PHACTR1: variants seen among roughly 807,000 people sequenced by gnomAD.
PHACTR1 encodes the protein RPEL repeat containing 1.
Under a neutral mutation model 69.2 loss-of-function variants are expected in PHACTR1, and 16 were observed. The observed-to-expected ratio is 0.23, with a 90% CI of 0.16 to 0.35. PHACTR1 has a LOEUF of 0.35. PHACTR1 is among the 10% of genes least tolerant of loss of function. PHACTR1 has a pLI of 1.00. For synonymous variants in PHACTR1, 312 were observed against 284.5 expected (o/e 1.10, Z -0.97); for missense variants, 510 against 734.7 (o/e 0.69, Z 3.54).
At position 13,211,243 on chromosome 6, in the gene PHACTR1, G is replaced by A. The variant is rs150889070; in HGVS notation, c.986+5107G>A. On this transcript the variant is annotated intron_variant, in intron 8 of 14. Coordinates refer to ENST00000332995, the MANE Select transcript of PHACTR1 (RefSeq NM_030948.6). ...ACCCGAGCAGTGTACACTGTACCCA[G>A]TGTGTAGTCTTTTATCCCTCACCAG... Among the ~76,000 whole-genome samples, 496 of 152,226 alleles carry A rather than the reference G, an allele frequency of 3.3e-3. 3 individuals are homozygous for A. The highest frequency in any genetic ancestry group is 0.011 in the African/African-American group (468 of 41,548).
intron 7 of PHACTR1, among the ~76,000 whole-genome samples, chr6:13,188,102 C>T (rs1256528315): frequency 1.3e-5 from 2 of 152,242 alleles, no homozygotes; most frequent in Non-Finnish European, 2.9e-5. Flanking sequence ...TATCTATATG[C>T]CTCACCTCTA....
intron 5 of PHACTR1, among the ~76,000 whole-genome samples, chr6:13,132,821 C>T (rs2127971762): frequency 6.6e-6 from 1 of 151,742 alleles, no homozygotes; most frequent in South Asian, 2.1e-4. Flanking sequence ...TTGATGATTA[C>T]TGACTGATCA....
At chr6:12,741,052 AT>A (rs1188317514) in intron 3 of PHACTR1, among the ~76,000 whole-genome samples, 1 of 151,288 alleles carries the variant, frequency 6.6e-6, no homozygotes, top group Non-Finnish European at 1.5e-5. Context: ...CTTTAGATTT[AT>A]TTTTTCTTCT....
chr6:12,893,828 T>C (rs990709520), intron 4 of PHACTR1, among the ~76,000 whole-genome samples: 1 of 152,216 alleles, frequency 6.6e-6, no homozygotes, highest in Non-Finnish European at 1.5e-5. Flanking sequence ...AAGTGTCACA[T>C]GGGCTTCCAT....
chr6:12,768,957 A>C (rs1163227543), intron 4 of PHACTR1, among the ~76,000 whole-genome samples: 2 of 152,154 alleles, frequency 1.3e-5, no homozygotes, highest in African/African-American at 4.8e-5. Context: ...GAAATAAACC[A>C]GGCACAGAAG....
At chr6:13,227,028 G>A (rs933303204) in intron 8 of PHACTR1, among the ~76,000 whole-genome samples, 3 of 151,632 alleles carry the variant, frequency 2.0e-5, no homozygotes, top group Admixed American at 6.6e-5. Context: ...GAGCCACCAC[G>A]CCCAGCAGTA....
chr6:12,838,941 C>A (rs1277236397), intron 4 of PHACTR1, among the ~76,000 whole-genome samples: 2 of 152,272 alleles, frequency 1.3e-5, no homozygotes, highest in South Asian at 2.1e-4. Flanking sequence ...GTTGCTGCTG[C>A]TGATGCTGCT....
intron 12 of PHACTR1, 22 bp downstream of exon 12, chr6:13,278,351 G>C: frequency 6.3e-7 from 1 of 1,577,942 alleles, no homozygotes; most frequent in Non-Finnish European, 8.6e-7. Context: ...TCCATGCCAA[G>C]AGCTGGGACA....
intron 5 of PHACTR1, among the ~76,000 whole-genome samples, chr6:13,136,576 A>G (rs1299941323): frequency 1.3e-5 from 2 of 152,262 alleles, no homozygotes; most frequent in East Asian, 1.9e-4. Flanking sequence ...CAGTTAGCCA[A>G]CTGGCGAAAG....
Position 13,230,202 on chromosome 6 carries a change from G to C in PHACTR1, c.1391+9G>C, listed in dbSNP as rs1489751130. 1.9e-6 allele frequency: 3 copies of C among 1,604,952 alleles called. No homozygotes were observed. The African/African-American group carries it at 4.0e-5, about 21-fold the overall frequency. On this transcript the variant is annotated intron_variant, in intron 10 of 14. Coordinates refer to ENST00000332995, the MANE Select transcript of PHACTR1 (RefSeq NM_030948.6). Reference sequence around the variant, plus strand: ...GGCACCAAGCTCACCAGGTAGGACAGCGGCACCCTCTGCCTCCCTGGCAGT... The same window carrying C: ...GGCACCAAGCTCACCAGGTAGGACACCGGCACCCTCTGCCTCCCTGGCAGT...
intron 5 of PHACTR1, among the ~76,000 whole-genome samples, chr6:13,056,384 G>A (rs1806784683): frequency 6.6e-6 from 1 of 152,180 alleles, no homozygotes; most frequent in Non-Finnish European, 1.5e-5. Context: ...TGGGTGACCA[G>A]CTGAGACCCA....
chr6:12,873,875 T>C (rs145884831), intron 4 of PHACTR1, among the ~76,000 whole-genome samples: 77 of 152,348 alleles, frequency 5.1e-4, no homozygotes, highest in African/African-American at 1.8e-3. Flanking sequence ...TTGGTTTTTG[T>C]AAATAACACT....
At chr6:13,240,973 A>T (rs1300266472) in intron 10 of PHACTR1, among the ~76,000 whole-genome samples, 9 of 152,220 alleles carry the variant, frequency 5.9e-5, no homozygotes, top group Admixed American at 5.9e-4. Flanking sequence ...CTCAGAGATG[A>T]TAAAGGGCAA....
chr6:12,898,521 C>T (rs1052463039), intron 4 of PHACTR1, among the ~76,000 whole-genome samples: 2 of 152,234 alleles, frequency 1.3e-5, no homozygotes, highest in African/African-American at 4.8e-5. Flanking sequence ...TCCTTCATGA[C>T]CAAATGGCCA....
At position 13,188,634 on chromosome 6, in the gene PHACTR1, G is replaced by A. The variant is rs191789061; in HGVS notation, c.664+5948G>A. On this transcript the variant is annotated intron_variant, in intron 7 of 14. Transcript: ENST00000332995. Reference sequence around the variant, plus strand: ...CATGCAGAAATACCTCTACCGTGGCGTTTGCTTCCACTTTATCAGGAAAAT... The same window carrying A: ...CATGCAGAAATACCTCTACCGTGGCATTTGCTTCCACTTTATCAGGAAAAT... 2.4e-3 allele frequency among the ~76,000 whole-genome samples: 369 copies of A among 152,310 alleles called. 1 individual carries two copies. Among genetic ancestry groups the A allele is most frequent in the South Asian group, 9.9e-3 (48 of 4,828 alleles).
intron 4 of PHACTR1, among the ~76,000 whole-genome samples, chr6:12,821,109 T>C (rs550616418): frequency 6.6e-6 from 1 of 152,268 alleles, no homozygotes; most frequent in South Asian, 2.1e-4. Context: ...GACCTACCAA[T>C]GTGGTTATTC....
chr6:13,285,954 A>G (rs904342407), intron 13 of PHACTR1, among the ~76,000 whole-genome samples, 192 bp from the exon 14 acceptor site: 3 of 152,222 alleles, frequency 2.0e-5, no homozygotes, highest in Non-Finnish European at 4.4e-5. Context: ...TGCAACTTAG[A>G]TTTAGGGAAG....
intron 4 of PHACTR1, among the ~76,000 whole-genome samples, chr6:12,905,857 C>T (rs909034272): frequency 6.6e-6 from 1 of 152,174 alleles, no homozygotes; most frequent in African/African-American, 2.4e-5. Context: ...GTGGCAACAT[C>T]TCATTAATTA....
chr6:13,197,346 A>G lies in PHACTR1; in HGVS notation c.665-8469A>G, dbSNP rs191679747. ...AGGCCTCAGGCTAGATTTCAACCCT[A>G]AGGTCCCCTCAGCACCTTGCATGGA... is the stretch of plus-strand genomic sequence containing the variant. On this transcript the variant is annotated intron_variant, in intron 7 of 14. Coordinates refer to ENST00000332995, the MANE Select transcript of PHACTR1 (RefSeq NM_030948.6). 8.5e-5 allele frequency among the ~76,000 whole-genome samples: 13 copies of G among 152,254 alleles called. No homozygotes were observed. The East Asian group carries it at 2.5e-3, about 29-fold the overall frequency.
Sources: allele counts gnomAD v4.1 joint callset (sites outside exome capture counted in the v4.1 genomes callset), GRCh38; gene constraint gnomAD v4.1.1; transcripts MANE v1.5; gene names NCBI Gene and HGNC (gene_info 2026-07-23, HGNC 2026-07-21).